Variants in CRTAC1 observed in about 807,000 individuals in gnomAD.
CRTAC1 encodes the protein acidic secreted protein in cartilage.
CRTAC1 carries 37 observed loss-of-function variants against 67.8 expected under a neutral mutation model. The ratio of observed to expected loss-of-function variants is 0.55; its 90% CI spans 0.42 to 0.72. The LOEUF (loss-of-function observed/expected upper bound fraction) is 0.72, where lower values mean the gene tolerates loss of function less well. CRTAC1 is among the 30% of genes least tolerant of loss of function. The probability of loss-of-function intolerance (pLI) is 0.00; values close to 1 mark genes in which losing one functional copy is unlikely to be tolerated. For synonymous variants in CRTAC1, 348 were observed against 371.0 expected (o/e 0.94, Z 0.71); for missense variants, 780 against 931.6 (o/e 0.84, Z 2.12).
intron 2 of CRTAC1, among the ~76,000 whole-genome samples, chr10:97,991,207 C>A (rs1434749103): frequency 6.6e-6 from 1 of 150,488 alleles, no homozygotes; most frequent in Non-Finnish European, 1.5e-5. Flanking sequence ...AGTTTGAGGC[C>A]AGCAGCCTGG....
At chr10:97,995,259 T>C (rs1295872370) in intron 2 of CRTAC1, among the ~76,000 whole-genome samples, 4 of 152,086 alleles carry the variant, frequency 2.6e-5, no homozygotes, top group Non-Finnish European at 5.9e-5. Context: ...TCTTGGTGCA[T>C]GGGGCTTCCT....
Position 97,978,486 on chromosome 10 carries a change from C to T in CRTAC1, c.224+32652G>A, listed in dbSNP as rs1045473543. Among the ~76,000 whole-genome samples the T allele has an allele frequency of 2.6e-5, 4 of 152,150 alleles. 1 individual carries two copies. Among genetic ancestry groups the T allele is most frequent in the African/African-American group, 9.7e-5 (4 of 41,422 alleles). On this transcript the variant is annotated intron_variant, in intron 2 of 14. Transcript: ENST00000370597. ...TAAAGAACTTTCTAGTGCTAGGAAA[C>T]GCAAGTGGCTGCTGTGCACATATCA...
At chr10:98,026,813 C>T (rs1843242729) in intron 1 of CRTAC1, among the ~76,000 whole-genome samples, 1 of 152,090 alleles carries the variant, frequency 6.6e-6, no homozygotes, top group African/African-American at 2.4e-5. Context: ...GGTAGGCTTC[C>T]GAGTCTGCTG....
At chr10:98,001,064 T>C (rs1265838777) in intron 2 of CRTAC1, among the ~76,000 whole-genome samples, 1 of 152,128 alleles carries the variant, frequency 6.6e-6, no homozygotes, top group African/African-American at 2.4e-5. Flanking sequence ...CAAATGTGTA[T>C]TTAGGGATGG....
At chr10:97,886,812 T>C (rs2050292922) in intron 11 of CRTAC1, among the ~76,000 whole-genome samples, 1 of 151,930 alleles carries the variant, frequency 6.6e-6, no homozygotes, top group Admixed American at 6.6e-5. Flanking sequence ...GCCTGGCTAA[T>C]TTTTGTATTT....
rs1413028258 is a variant in CRTAC1 at position 97,975,033 on chromosome 10, G to A, written c.224+36105C>T. Reference sequence around the variant, plus strand: ...GGAGCCCGCGGGAGGAGGCCGGAGCGCGGGCAGGGACTGGCGCGGGATCGA... The same window carrying A: ...GGAGCCCGCGGGAGGAGGCCGGAGCACGGGCAGGGACTGGCGCGGGATCGA... On this transcript the variant is annotated intron_variant, in intron 2 of 14. Transcript: ENST00000370597. This position sits in a 1 kb window ranked among gnomAD's most constrained non-coding sequence, Gnocchi z 4.8. 5.3e-5 allele frequency among the ~76,000 whole-genome samples: 8 copies of A among 152,120 alleles called. No individual in the cohort carries two copies. The East Asian group carries it at 1.6e-3, about 30-fold the overall frequency.
chr10:97,903,381 G>C (rs1283104803), intron 7 of CRTAC1, among the ~76,000 whole-genome samples: 1 of 151,078 alleles, frequency 6.6e-6, no homozygotes, highest in Non-Finnish European at 1.5e-5. Flanking sequence ...TTGAGAAGCT[G>C]GGTGAGAACA....
chr10:97,963,798 T>C (rs1164930290), intron 2 of CRTAC1, among the ~76,000 whole-genome samples: 1 of 152,240 alleles, frequency 6.6e-6, no homozygotes, highest in Non-Finnish European at 1.5e-5. Flanking sequence ...TTATTTACTT[T>C]TTAAACATTT....
At chr10:97,969,059 TG>T (rs1261825371) in intron 2 of CRTAC1, among the ~76,000 whole-genome samples, 1 of 152,178 alleles carries the variant, frequency 6.6e-6, no homozygotes. Flanking sequence ...TTCCCCCCCA[TG>T]TCAAAAGTGC....
intron 1 of CRTAC1, among the ~76,000 whole-genome samples, chr10:98,028,779 A>G (rs1429020723): frequency 1.3e-5 from 2 of 152,232 alleles, no homozygotes; most frequent in Non-Finnish European, 2.9e-5. Context: ...GGGTTGGGAT[A>G]TAGATTGATA....
intron 2 of CRTAC1, among the ~76,000 whole-genome samples, chr10:98,003,027 C>T (rs944685925): frequency 2.0e-5 from 3 of 151,864 alleles, no homozygotes; most frequent in African/African-American, 7.3e-5. Context: ...TCGTGATCTG[C>T]CCGCCTCAGC....
intron 5 of CRTAC1, among the ~76,000 whole-genome samples, chr10:97,916,301 T>C (rs964349317): frequency 1.2e-4 from 18 of 152,326 alleles, no homozygotes; most frequent in Middle Eastern, 3.4e-3. Flanking sequence ...GGGGGAAACA[T>C]AGTTTATTAC....
At chr10:97,923,657 C>T (rs2050873029) in intron 3 of CRTAC1, among the ~76,000 whole-genome samples, 1 of 152,182 alleles carries the variant, frequency 6.6e-6, no homozygotes, top group African/African-American at 2.4e-5. Context: ...GGAAGTGCCA[C>T]TGCTGCAGTG....
At chr10:97,890,568 C>G (rs1446118905) in intron 11 of CRTAC1, among the ~76,000 whole-genome samples, 2 of 152,196 alleles carry the variant, frequency 1.3e-5, no homozygotes, top group Non-Finnish European at 2.9e-5. Context: ...ACCTGTCCAA[C>G]CTGGACCACT....
chr10:97,880,766 T>C (rs1178771186), intron 13 of CRTAC1, among the ~76,000 whole-genome samples: 6 of 152,184 alleles, frequency 3.9e-5, no homozygotes, highest in African/African-American at 1.4e-4. Context: ...ATGCACCTCA[T>C]GCTTAATATG....
chr10:97,939,389 A>G (rs554070405), intron 2 of CRTAC1, among the ~76,000 whole-genome samples: 30 of 152,262 alleles, frequency 2.0e-4, no homozygotes, highest in Admixed American at 1.6e-3. Context: ...ACACGCCACA[A>G]AGGCTTCCCT....
chr10:97,967,853 C>T (rs1384655702), intron 2 of CRTAC1, among the ~76,000 whole-genome samples: 1 of 152,104 alleles, frequency 6.6e-6, no homozygotes, highest in African/African-American at 2.4e-5. Context: ...CTCAAGGTCC[C>T]TTTCAACCCA....
At chr10:97,930,668 C>T (rs564370933) in intron 3 of CRTAC1, among the ~76,000 whole-genome samples, 7 of 152,084 alleles carry the variant, frequency 4.6e-5, no homozygotes, top group South Asian at 4.1e-4. Flanking sequence ...AGGAGCTGCC[C>T]GACCAGGGGT....
At chr10:97,935,898 G>A (rs1457862417) in intron 3 of CRTAC1, among the ~76,000 whole-genome samples, 1 of 152,164 alleles carries the variant, frequency 6.6e-6, no homozygotes, top group Non-Finnish European at 1.5e-5. Context: ...GGAGGCGGTG[G>A]TGGGGACACA....
Sources: allele counts gnomAD v4.1 joint callset (sites outside exome capture counted in the v4.1 genomes callset), GRCh38; gene constraint gnomAD v4.1.1; non-coding constraint Gnocchi (gnomAD v3.1); transcripts MANE v1.5; gene names NCBI Gene and HGNC (gene_info 2026-07-23, HGNC 2026-07-21).